MCTP2: variants seen among roughly 807,000 people sequenced by gnomAD.
MCTP2 encodes the protein multiple C2 and transmembrane domain containing 2.
Under a neutral mutation model 111.6 loss-of-function variants are expected in MCTP2, and 132 were observed. The ratio of observed to expected loss-of-function variants is 1.18; its 90% CI spans 1.03 to 1.37. The LOEUF (loss-of-function observed/expected upper bound fraction) is 1.37. MCTP2 is among the 40% of genes most tolerant of loss of function. The pLI, the probability that MCTP2 is intolerant of heterozygous loss-of-function variation, is 0.00. For missense variants in MCTP2, 1,183 were observed against 1,067.9 expected (o/e 1.11, Z -1.50); for synonymous variants, 395 against 387.7 (o/e 1.02, Z -0.22).
chr15:94,244,249 C>CATAT (rs199807762), intron 1 of MCTP2, among the ~76,000 whole-genome samples: 1 of 140,336 alleles, frequency 7.1e-6, no homozygotes, highest in Non-Finnish European at 1.5e-5. Context: ...CGTGTATACA[C>CATAT]ATATGTGTAT....
intron 20 of MCTP2, among the ~76,000 whole-genome samples, chr15:94,469,849 G>T (rs1362750325): frequency 1.3e-5 from 2 of 151,776 alleles, no homozygotes; most frequent in Non-Finnish European, 2.9e-5. Flanking sequence ...TACAGCCTGG[G>T]TAACAGCAAG....
chr15:94,291,869 G>A (rs11630792), intron 1 of MCTP2, among the ~76,000 whole-genome samples: 19,690 of 152,076 alleles, frequency 0.13, 1,668 homozygotes, highest in East Asian at 0.24. Context: ...GGGCCATATG[G>A]TATCTGCCAC....
intron 1 of MCTP2, among the ~76,000 whole-genome samples, chr15:94,235,212 C>A (rs1029853146): frequency 1.3e-5 from 2 of 151,188 alleles, no homozygotes; most frequent in African/African-American, 4.9e-5. Flanking sequence ...CAAGATTGCA[C>A]CATTGCATTC....
intron 14 of MCTP2, among the ~76,000 whole-genome samples, chr15:94,393,444 G>A (rs1260945661): frequency 3.3e-5 from 5 of 152,058 alleles, no homozygotes; most frequent in African/African-American, 7.2e-5. Flanking sequence ...AAAATGTGTC[G>A]GTGTATTACA....
intron 1 of MCTP2, among the ~76,000 whole-genome samples, chr15:94,243,486 T>A (rs2071284336): frequency 6.7e-6 from 1 of 148,250 alleles, no homozygotes. Context: ...TGTACACACA[T>A]ACGTATGCGT....
Position 94,482,468 on chromosome 15 carries a change from C to G in MCTP2, c.*3434C>G, listed in dbSNP as rs1352121523. The G allele has an allele frequency of 6.6e-6, 1 of 152,142 alleles. No homozygotes were observed. Among genetic ancestry groups the G allele is most frequent in the Non-Finnish European group, 1.5e-5 (1 of 68,046 alleles). The allele number at this position is 152,142 out of a possible 1,614,324, so 9.4% of individuals were successfully genotyped here. ...AGGATGGCTCTCAGTCCCTAGGTCT[C>G]CAGGTCTAGGAAGATGGTGTTACCT... is the stretch of plus-strand genomic sequence containing the variant. On this transcript the variant is annotated 3_prime_UTR_variant, in exon 23 of 23. Transcript: ENST00000357742.
chr15:94,434,030 G>A (rs1360482993), intron 17 of MCTP2, among the ~76,000 whole-genome samples: 1 of 151,928 alleles, frequency 6.6e-6, no homozygotes, highest in African/African-American at 2.4e-5. Flanking sequence ...TCTTCATTTT[G>A]CGACTTGCCC....
At chr15:94,339,164 G>T (rs780936370) in intron 4 of MCTP2, 126 bp from the exon 5 acceptor site, 1 of 610,472 alleles carries the variant, frequency 1.6e-6, no homozygotes, top group Non-Finnish European at 2.6e-6. Context: ...TTCCATCTCC[G>T]AGCCCTTTAA....
intron 21 of MCTP2, among the ~76,000 whole-genome samples, chr15:94,472,358 C>T (rs1213998060): frequency 1.3e-5 from 2 of 152,198 alleles, no homozygotes; most frequent in African/African-American, 4.8e-5. Flanking sequence ...GCCTGGGCAA[C>T]AGAACAAGAC....
At chr15:94,472,539 A>G (rs2074014446) in intron 21 of MCTP2, among the ~76,000 whole-genome samples, 1 of 152,166 alleles carries the variant, frequency 6.6e-6, no homozygotes, top group African/African-American at 2.4e-5. Flanking sequence ...TTTTGCATCT[A>G]CTTAATGAAA....
In MCTP2 at chr15:94,466,374, T is replaced by A. The variant is rs2073300633; in HGVS notation, c.2361-3959T>A. Among the ~76,000 whole-genome samples, 2 of 152,102 alleles carry A rather than the reference T, an allele frequency of 1.3e-5. 1 individual carries two copies. The highest frequency in any genetic ancestry group is 4.1e-4 in the South Asian group (2 of 4,824). On this transcript the variant is annotated intron_variant, in intron 20 of 22. Transcript: ENST00000357742. ...TGCATTTCCTTGGAGAGGATTACTG[T>A]TTAAGTCACCTTGGGATACTACCAG...
intron 1 of MCTP2, among the ~76,000 whole-genome samples, chr15:94,295,123 T>C (rs555238548): frequency 6.8e-4 from 103 of 152,034 alleles, no homozygotes; most frequent in Middle Eastern, 6.8e-3. Flanking sequence ...TAATTATTTA[T>C]ATTTTTAGTA....
intron 16 of MCTP2, among the ~76,000 whole-genome samples, chr15:94,401,524 A>ATC (rs894754074): frequency 5.3e-5 from 8 of 151,276 alleles, no homozygotes; most frequent in Admixed American, 1.3e-4. Context: ...ATCTCTCTTT[A>ATC]TCTCTCTCTC....
At chr15:94,238,034 AT>A (rs923862196) in intron 1 of MCTP2, among the ~76,000 whole-genome samples, 4 of 151,934 alleles carry the variant, frequency 2.6e-5, no homozygotes, top group African/African-American at 9.7e-5. Flanking sequence ...AACGTATTTC[AT>A]TGATGTGTCA....
At chr15:94,290,475 T>G (rs1596279622) in intron 1 of MCTP2, among the ~76,000 whole-genome samples, 1 of 152,008 alleles carries the variant, frequency 6.6e-6, no homozygotes, top group East Asian at 1.9e-4. Flanking sequence ...CCTCAACAAA[T>G]GAAGAAGGGC....
chr15:94,434,548 AT>A (rs1424914054), intron 17 of MCTP2, among the ~76,000 whole-genome samples: 3 of 152,158 alleles, frequency 2.0e-5, no homozygotes, highest in African/African-American at 7.2e-5. Flanking sequence ...TTTGTATGTT[AT>A]GTGGTAAGAG....
At chr15:94,247,463 G>T (rs2072097754) in intron 1 of MCTP2, among the ~76,000 whole-genome samples, 1 of 152,128 alleles carries the variant, frequency 6.6e-6, no homozygotes, top group Non-Finnish European at 1.5e-5. Context: ...GGTTGATAGT[G>T]TCTGAGATCA....
At chr15:94,252,417 T>A (rs563396551) in intron 1 of MCTP2, among the ~76,000 whole-genome samples, 23 of 152,342 alleles carry the variant, frequency 1.5e-4, no homozygotes, top group Middle Eastern at 6.8e-3. Context: ...TTGTAAGACA[T>A]GACCTTTTGA....
At chr15:94,377,344 T>G (rs1027762371) in intron 12 of MCTP2, among the ~76,000 whole-genome samples, 1 of 152,214 alleles carries the variant, frequency 6.6e-6, no homozygotes, top group African/African-American at 2.4e-5. Context: ...CATGGATAGC[T>G]AAGCCCAAAT....
Sources: gnomAD v4.1 joint callset for allele counts (sites outside exome capture counted in the v4.1 genomes callset) on GRCh38, gnomAD v4.1.1 for gene constraint, MANE v1.5 for transcripts, NCBI Gene and HGNC (gene_info 2026-07-23, HGNC 2026-07-21) for gene names.